Variants in ZP1 observed in about 807,000 individuals in gnomAD.
ZP1 encodes zona pellucida glycoprotein 1.
A neutral mutation model predicts 67.4 loss-of-function variants in ZP1; 58 were observed. The ratio of observed to expected loss-of-function variants is 0.86; its 90% CI spans 0.70 to 1.07. The LOEUF (loss-of-function observed/expected upper bound fraction) is 1.07. Among genes scored for constraint, ZP1 ranks in the 50% least tolerant of loss-of-function variants. The pLI is 0.00. For synonymous variants in ZP1, 333 were observed against 332.7 expected, an observed-to-expected ratio of 1.00 and a Z score of -0.01; for missense variants, 759 against 807.3, an observed-to-expected ratio of 0.94 and a Z score of 0.72.
rs758197113 is a variant in ZP1, at chr11:60,871,194, C to T, written c.1015-23C>T. The T allele has an allele frequency of 6.2e-6, 10 of 1,613,946 alleles. No homozygotes were observed. The Admixed American group carries it at 8.3e-5, about 13-fold the overall frequency. ...GGCCTGGTCCCCCACCAGAAAGCCT[C>T]ACCCAGCTGTCTCTTCCTACAGGTG... On this transcript the variant is annotated intron_variant, in intron 5 of 11. Coordinates refer to ENST00000278853, the MANE Select transcript of ZP1 (RefSeq NM_207341.4).
chr11:60,872,666 A>G (rs1855596659), intron 6 of ZP1, among the ~76,000 whole-genome samples: 1 of 152,226 alleles, frequency 6.6e-6, no homozygotes, highest in Admixed American at 6.5e-5. Context: ...GGAGGCAGTC[A>G]CAGCCATTTT....
intron 6 of ZP1, among the ~76,000 whole-genome samples, chr11:60,872,600 A>C (rs923001451): frequency 2.0e-5 from 3 of 152,240 alleles, no homozygotes; most frequent in African/African-American, 7.2e-5. Flanking sequence ...CTACAAGGAC[A>C]ATGAAGACAC....
At position 60,870,997 on chromosome 11, in the gene ZP1, G is replaced by A. The variant is rs566411; in HGVS notation, c.867G>A (p.Val289=). ...TCAGAGATGGCTACTTCGTCCTCGTGGTGTCCCAAGAAATGGCCTTGACAC... is the reference window on the plus strand; with the variant it reads ...TCAGAGATGGCTACTTCGTCCTCGTAGTGTCCCAAGAAATGGCCTTGACAC... The part of the protein sequence containing the change: ...QCFRDGYFVL[V]VSQEMALTHR... The change falls in exon 5 of 12, where the codon GTG becomes GTA. Residue 289 remains valine, a synonymous_variant. Coordinates refer to ENST00000278853, the MANE Select transcript of ZP1 (RefSeq NM_207341.4). The A allele has an allele frequency of 6.2e-7, 1 of 1,614,192 alleles. No homozygotes were observed. Among genetic ancestry groups the A allele is most frequent in the Non-Finnish European group, 8.5e-7 (1 of 1,180,038 alleles).
rs1376538611 is a variant in ZP1, at chr11:60,867,695, T to A, written c.134T>A (p.Ile45Asn). The A allele has an allele frequency of 6.2e-7, 1 of 1,613,930 alleles. No homozygotes were observed. The highest frequency in any genetic ancestry group is 2.2e-5 in the East Asian group (1 of 44,884). Residue 45 changes from isoleucine to asparagine, a missense_variant, in exon 1 of 12, where the codon ATC (isoleucine) becomes AAC (asparagine). Transcript: ENST00000278853. ...CTCCGGCACAGCTACGACTGTGGGA[T>A]CAAGGGAATGCAGCTGCTGGTGTTC... ...PGLRHSYDCG[I>N]KGMQLLVFPR...
At chr11:60,874,019 G>A (rs544729045) in intron 9 of ZP1, among the ~76,000 whole-genome samples, 1 of 152,338 alleles carries the variant, frequency 6.6e-6, no homozygotes, top group African/African-American at 2.4e-5. Flanking sequence ...TCTGGTCATG[G>A]TGTTCTAGGG....
chr11:60,869,756 C>T lies in ZP1; in HGVS notation c.538C>T (p.Pro180Ser), dbSNP rs753541086. 1.2e-6 allele frequency: 2 copies of T among 1,614,094 alleles called. No individual in the cohort carries two copies. Among genetic ancestry groups the T allele is most frequent in the Non-Finnish European group, 1.7e-6 (2 of 1,179,990 alleles). The change falls in exon 3 of 12, where the codon CCC becomes TCC. Residue 180 changes from proline to serine, a missense_variant. By Grantham distance (74) the Pro-to-Ser change is moderately conservative. Transcript: ENST00000278853. ...HTSQGSGHAFPSPLDPGHSSV... is the reference protein window; with the variant it reads ...HTSQGSGHAFSSPLDPGHSSV... ...CTCCCAAGGCTCTGGCCATGCCTTT[C>T]CCAGCCCACTGGACCCAGGGCACAG...
At position 60,869,141 on chromosome 11, in the gene ZP1, G is replaced by A. The variant is rs370779148; in HGVS notation, c.197-4G>A. The A allele has an allele frequency of 8.1e-6, 13 of 1,613,980 alleles. No individual in the cohort carries two copies. Among genetic ancestry groups the A allele is most frequent in the Admixed American group, 1.7e-5 (1 of 59,998 alleles). The stretch of plus-strand genomic sequence containing the variant: ...CCCTGGCCCCTCCCCTTCCCCCACT[G>A]CAGATGAATTTGGGAACCGATTTGA... On this transcript the variant is annotated splice_polypyrimidine_tract_variant and splice_region_variant and intron_variant, in intron 1 of 11. Coordinates refer to ENST00000278853, the MANE Select transcript of ZP1 (RefSeq NM_207341.4).
At chr11:60,869,000 G>C in intron 1 of ZP1, 145 bp from the exon 2 acceptor site, 1 of 913,822 alleles carries the variant, frequency 1.1e-6, no homozygotes, top group South Asian at 1.7e-5. Flanking sequence ...GAGGGGGCTT[G>C]CCCAAGACCA....
At position 60,873,016 on chromosome 11, in the gene ZP1, G is replaced by A. The variant is rs536667619; in HGVS notation, c.1113-146G>A. The stretch of plus-strand genomic sequence containing the variant: ...AGCTTCCTGAGCCTGCCTTGGAAAT[G>A]CTGAGTATTGCTTAAGTAGCATCCA... On this transcript the variant is annotated intron_variant, in intron 6 of 11. Transcript: ENST00000278853. 1.9e-5 allele frequency: 17 copies of A among 895,392 alleles called. No individual in the cohort carries two copies. The African/African-American group carries it at 2.8e-4, about 15-fold the overall frequency. 55.5% of individuals were successfully genotyped at this position (895,392 alleles called of 1,614,324 possible).
At chr11:60,874,568 G>A (rs1855661216) in intron 9 of ZP1, among the ~76,000 whole-genome samples, 1 of 152,226 alleles carries the variant, frequency 6.6e-6, no homozygotes, top group South Asian at 2.1e-4. Flanking sequence ...AGTAGGGCAG[G>A]TGGAAGGGAG....
Position 60,875,537 on chromosome 11 carries a change from A to C in ZP1, c.1798A>C (p.Arg600=), listed in dbSNP as rs760087407. The change falls in exon 12 of 12, where the codon AGA becomes CGA. Residue 600 remains arginine (R), a synonymous_variant. Transcript: ENST00000278853. ...AGACTCCAATGGGAACTCCAGCCTG[A>C]GACCTCTCCTTTGGGCGGTCCTTTT... is the stretch of plus-strand genomic sequence containing the variant. ...PTDSNGNSSL[R]PLLWAVLLLP... is the part of the protein sequence containing the mutation. 3.1e-6 allele frequency: 5 copies of C among 1,613,930 alleles called. No homozygotes were observed. Among genetic ancestry groups the C allele is most frequent in the East Asian group, 4.5e-5 (2 of 44,902 alleles).
intron 3 of ZP1, 56 bp from the exon 4 acceptor site, chr11:60,870,276 G>C: frequency 7.0e-7 from 1 of 1,434,470 alleles, no homozygotes; most frequent in Non-Finnish European, 9.2e-7. Context: ...TTCAATTCCA[G>C]GGCCATGATT....
intron 11 of ZP1, 40 bp from the exon 12 acceptor site, chr11:60,875,474 G>C (rs372436415): frequency 3.7e-6 from 6 of 1,608,896 alleles, no homozygotes; most frequent in Non-Finnish European, 5.1e-6. Context: ...GAGGGTTGGA[G>C]GGGCCTCACC....
chr11:60,871,298 C>T lies in ZP1; in HGVS notation c.1096C>T (p.Arg366Trp), dbSNP rs751351771. ...AAAGGGGCCACAGGGTTCCATCACG[C>T]GGGACAGCACCTTCCAGTAAGGGCA... ...IQKGPQGSITRDSTFQLHVRC... is the reference protein window; with the variant it reads ...IQKGPQGSITWDSTFQLHVRC... Residue 366 changes from arginine (R) to tryptophan (W), a missense_variant, in exon 6 of 12, where the codon CGG becomes TGG. Coordinates refer to ENST00000278853, the MANE Select transcript of ZP1 (RefSeq NM_207341.4). The T allele has an allele frequency of 2.2e-5, 36 of 1,613,628 alleles. No homozygotes were observed. The highest frequency in any genetic ancestry group is 2.7e-5 in the Non-Finnish European group (32 of 1,180,040).
intron 6 of ZP1, 125 bp from the exon 7 acceptor site, chr11:60,873,032 GTAGCA>G: frequency 2.9e-6 from 3 of 1,044,764 alleles, no homozygotes; most frequent in South Asian, 3.5e-5. Context: ...TATTGCTTAA[GTAGCA>G]TCCATCTGCC....
Position 60,869,796 on chromosome 11 carries a change from C to A in ZP1, c.578C>A (p.Thr193Asn), listed in dbSNP as rs200151618. Residue 193 changes from threonine to asparagine, a missense_variant, in exon 3 of 12, where the codon ACC (threonine) becomes AAC (asparagine). Physicochemically the swap from Thr to Asn is moderately conservative, Grantham distance 65. Transcript: ENST00000278853. ...CCAGGGCACAGCTCTGTCCACCCAA[C>A]CCCTGCTTTACCATCCCCTGGACCT... is the stretch of plus-strand genomic sequence containing the variant. ...LDPGHSSVHP[T>N]PALPSPGPGP... 3 of 1,613,922 alleles carry A rather than the reference C, an allele frequency of 1.9e-6. No individual in the cohort carries two copies. The East Asian group carries it at 6.7e-5, about 36-fold the overall frequency.
At position 60,869,518 on chromosome 11, in the gene ZP1, G is replaced by T; in HGVS notation, c.319-19G>T. On this transcript the variant is annotated intron_variant, in intron 2 of 11. Coordinates refer to ENST00000278853, the MANE Select transcript of ZP1 (RefSeq NM_207341.4). ...AGGTGGCCTCACCTTGCTGCTCTAT[G>T]ATGGCCTCTCACCTGCAGGATGGGC... The T allele has an allele frequency of 6.3e-7, 1 of 1,585,830 alleles. No homozygotes were observed. The highest frequency in any genetic ancestry group is 8.6e-7 in the Non-Finnish European group (1 of 1,163,036).
At chr11:60,870,007 T>A (rs1855536462) in intron 3 of ZP1, 107 bp downstream of exon 3, 1 of 1,350,054 alleles carries the variant, frequency 7.4e-7, no homozygotes. Context: ...TTTTTGTTTT[T>A]TTCTTTTTTT....
rs199566234 is a variant in ZP1, at chr11:60,869,589, G to T, written c.371G>T (p.Arg124Leu). ...VFMEAVLPNGRVDVAQDATLI... is the reference protein window; with the variant it reads ...VFMEAVLPNGLVDVAQDATLI... Reference sequence around the variant, plus strand: ...ATGGAGGCTGTGCTGCCCAATGGTCGTGTGGATGTGGCACAAGACGCTACT... The same window carrying T: ...ATGGAGGCTGTGCTGCCCAATGGTCTTGTGGATGTGGCACAAGACGCTACT... The change falls in exon 3 of 12, where the codon CGT becomes CTT. Residue 124 changes from arginine to leucine, a missense_variant. Physicochemically the swap from Arg to Leu is moderately radical, Grantham distance 102. Coordinates refer to ENST00000278853, the MANE Select transcript of ZP1 (RefSeq NM_207341.4). 6.2e-7 allele frequency: 1 copy of T among 1,613,836 alleles called. No homozygotes were observed. Among genetic ancestry groups the T allele is most frequent in the Admixed American group, 1.7e-5 (1 of 60,012 alleles).
Sources: allele counts gnomAD v4.1 joint callset (sites outside exome capture counted in the v4.1 genomes callset), GRCh38; gene constraint gnomAD v4.1.1; transcripts MANE v1.5; gene names NCBI Gene and HGNC (gene_info 2026-07-23, HGNC 2026-07-21).